The following BEND6 variants were observed in gnomAD, a reference collection of about 807,000 sequenced individuals.
BEND6 encodes the protein BEN domain-containing protein 6.
BEND6 carries 24 observed loss-of-function variants against 31.8 expected under a neutral mutation model. The observed-to-expected ratio is 0.75, with a 90% CI of 0.55 to 1.06. The LOEUF (loss-of-function observed/expected upper bound fraction) is 1.06. Among genes scored for constraint, BEND6 ranks in the 50% least tolerant of loss-of-function variants. BEND6 has a pLI of 0.00. For synonymous variants in BEND6, 109 were observed against 114.6 expected, an observed-to-expected ratio of 0.95 and a Z score of 0.31; for missense variants, 294 against 327.4, an observed-to-expected ratio of 0.90 and a Z score of 0.79.
At chr6:56,958,300 G>A (rs1236831189) in intron 1 of BEND6, among the ~76,000 whole-genome samples, 5 of 152,148 alleles carry the variant, frequency 3.3e-5, no homozygotes, top group African/African-American at 1.2e-4. Flanking sequence ...TAAAAAGGCG[G>A]CAGAAACATC....
At chr6:56,977,069 C>G (rs1272821426) in intron 1 of BEND6, among the ~76,000 whole-genome samples, 2 of 152,064 alleles carry the variant, frequency 1.3e-5, no homozygotes, top group African/African-American at 4.8e-5. Flanking sequence ...TTAGTGCAAC[C>G]AAAATAAATT....
chr6:56,975,866 G>A (rs1207290809), intron 1 of BEND6: 4 of 529,102 alleles, frequency 7.6e-6, no homozygotes, highest in East Asian at 1.0e-4. Flanking sequence ...ATGTTCATCA[G>A]TCATAGAGCC....
chr6:56,983,015 A>G (rs35090265), intron 2 of BEND6, among the ~76,000 whole-genome samples: 19,545 of 152,108 alleles, frequency 0.13, 1,465 homozygotes, highest in Middle Eastern at 0.2. Flanking sequence ...CTGGTTTCCT[A>G]TGATAAATAT....
chr6:56,980,589 C>G (rs1171450966), intron 1 of BEND6, among the ~76,000 whole-genome samples: 2 of 152,192 alleles, frequency 1.3e-5, no homozygotes, highest in African/African-American at 4.8e-5. Context: ...TGTGTTAGCT[C>G]AAGCACTATT....
chr6:56,986,516 G>A (rs2127857287), intron 2 of BEND6, among the ~76,000 whole-genome samples: 1 of 152,234 alleles, frequency 6.6e-6, no homozygotes, highest in East Asian at 1.9e-4. Flanking sequence ...ATATAAAAAT[G>A]TAGTTGTGTT....
chr6:56,963,982 AAAT>A (rs1422907103), intron 1 of BEND6, among the ~76,000 whole-genome samples: 15 of 147,306 alleles, frequency 1.0e-4, no homozygotes, highest in African/African-American at 3.2e-4. Context: ...TTAATAATAT[AAAT>A]AATTATTGTT....
At chr6:57,018,589 G>T in intron 6 of BEND6, 32 bp downstream of exon 6, 1 of 1,442,902 alleles carries the variant, frequency 6.9e-7, no homozygotes. Flanking sequence ...TCCTTTCAAT[G>T]TGGCAAGAAA....
At chr6:56,970,213 G>A (rs937079576) in intron 1 of BEND6, among the ~76,000 whole-genome samples, 5 of 146,434 alleles carry the variant, frequency 3.4e-5, no homozygotes, top group Non-Finnish European at 7.5e-5. Context: ...TTCTTTTTTT[G>A]AGACAGAGTC....
At chr6:56,992,928 G>A (rs1826564125) in intron 3 of BEND6, among the ~76,000 whole-genome samples, 1 of 152,196 alleles carries the variant, frequency 6.6e-6, no homozygotes, top group Admixed American at 6.5e-5. Flanking sequence ...GGTCACCCCT[G>A]TCTGCTAGGG....
intron 1 of BEND6, among the ~76,000 whole-genome samples, chr6:56,970,217 C>T (rs1395031795): frequency 6.6e-6 from 1 of 151,468 alleles, no homozygotes; most frequent in Non-Finnish European, 1.5e-5. Context: ...TTTTTTGAGA[C>T]AGAGTCTCAC....
At chr6:56,960,285 G>GATATAAA (rs1825244463) in intron 1 of BEND6, among the ~76,000 whole-genome samples, 1 of 151,988 alleles carries the variant, frequency 6.6e-6, no homozygotes, top group Non-Finnish European at 1.5e-5. Flanking sequence ...TATTCCGATG[G>GATATAAA]TATAAAATAT....
rs770049459 is a variant in BEND6, at chr6:57,011,715, C to CAAA, written c.299-3400_299-3398dup. ...CCTGGGTAACAGCAGGGCCCTGTCT[C>CAAA]AAAAAAAAAAAAAAAAAAAAGAAAA... On this transcript the variant is annotated intron_variant, in intron 3 of 6. Transcript: ENST00000370746. Among the ~76,000 whole-genome samples, 61 of 34,094 alleles carry CAAA rather than the reference C, an allele frequency of 1.8e-3. 1 individual carries two copies. Among genetic ancestry groups the CAAA allele is most frequent in the East Asian group, 5.7e-3 (8 of 1,402 alleles). 22.4% of individuals were successfully genotyped at this position (34,094 alleles called of 152,430 possible). A position where few individuals can be genotyped will look rare whatever the true frequency, so the allele number is the denominator to read the frequency against.
At chr6:56,994,486 G>A (rs374350338) in intron 3 of BEND6, among the ~76,000 whole-genome samples, 1,573 of 93,284 alleles carry the variant, frequency 0.017, 18 homozygotes, top group Middle Eastern at 0.047. Context: ...AAAAAAAAAG[G>A]CATTAATCTT....
chr6:56,996,252 A>G (rs1296813903), intron 3 of BEND6, among the ~76,000 whole-genome samples: 1 of 152,072 alleles, frequency 6.6e-6, no homozygotes, highest in East Asian at 1.9e-4. Context: ...TTTGAGACCA[A>G]CCTGGGCAAC....
At chr6:56,981,548 A>T (rs1157383967) in intron 1 of BEND6, among the ~76,000 whole-genome samples, 163 bp from the exon 2 acceptor site, 1 of 152,234 alleles carries the variant, frequency 6.6e-6, no homozygotes, top group East Asian at 1.9e-4. Flanking sequence ...GATGCTGATG[A>T]AATTAGAAGA....
At chr6:56,957,228 C>G (rs951697714) in intron 1 of BEND6, among the ~76,000 whole-genome samples, 8 of 152,202 alleles carry the variant, frequency 5.3e-5, no homozygotes, top group African/African-American at 1.7e-4. Flanking sequence ...ACAAGAACAT[C>G]ATTTATCTCT....
chr6:57,024,495 G>A (rs1487227289), intron 6 of BEND6, among the ~76,000 whole-genome samples: 1 of 147,078 alleles, frequency 6.8e-6, no homozygotes, highest in Non-Finnish European at 1.5e-5. Context: ...TTGGATGACA[G>A]TTTTTTTTTT....
chr6:57,002,087 G>A (rs974310894), intron 3 of BEND6, among the ~76,000 whole-genome samples: 3 of 152,190 alleles, frequency 2.0e-5, no homozygotes, highest in Admixed American at 6.5e-5. Flanking sequence ...CAGACTTTAA[G>A]CCAACAATAG....
At chr6:56,960,484 A>G (rs1024811050) in intron 1 of BEND6, among the ~76,000 whole-genome samples, 44 of 152,346 alleles carry the variant, frequency 2.9e-4, no homozygotes, top group African/African-American at 8.9e-4. Context: ...ATGTTACAAG[A>G]TGAATAAAAT....
Sources: gnomAD v4.1 joint callset for allele counts (sites outside exome capture counted in the v4.1 genomes callset) on GRCh38, gnomAD v4.1.1 for gene constraint, MANE v1.5 for transcripts, NCBI Gene and HGNC (gene_info 2026-07-23, HGNC 2026-07-21) for gene names.